The following MYCBP2 variants were observed in gnomAD, a reference collection of about 807,000 sequenced individuals.
The protein encoded by MYCBP2 is MYC binding protein 2.
Under a neutral mutation model 525.3 loss-of-function variants are expected in MYCBP2, and 120 were observed. That is an observed-to-expected ratio of 0.23 (90% CI 0.20 to 0.27). The LOEUF (loss-of-function observed/expected upper bound fraction) is 0.27. Among genes scored for constraint, MYCBP2 ranks in the 10% least tolerant of loss-of-function variants. MYCBP2 has a pLI of 1.00. For synonymous variants in MYCBP2, 1,894 were observed against 1,955.8 expected (o/e 0.97, Z 0.83); for missense variants, 4,149 against 5,657.1 (o/e 0.73, Z 8.55).
chr13:77,309,665 C>G (rs775818577), intron 1 of MYCBP2, among the ~76,000 whole-genome samples: 1 of 152,170 alleles, frequency 6.6e-6, no homozygotes, highest in Non-Finnish European at 1.5e-5. Context: ...TTCCCATTAT[C>G]TTTTCTCAGT....
At position 77,205,464 on chromosome 13, in the gene MYCBP2, T is replaced by C. The variant is rs1593871593; in HGVS notation, c.3715+9A>G. The C allele has an allele frequency of 6.2e-7, 1 of 1,612,922 alleles. No homozygotes were observed. The highest frequency in any genetic ancestry group is 8.5e-7 in the Non-Finnish European group (1 of 1,179,604). ...TAAGACAACATTTCCTAAACCGAAGTATACATACTTTCAAACCTGTTTACC... is the reference window on the plus strand; with the variant it reads ...TAAGACAACATTTCCTAAACCGAAGCATACATACTTTCAAACCTGTTTACC... On this transcript the variant is annotated intron_variant, in intron 25 of 82. Transcript: ENST00000544440.
chr13:77,263,254 C>T (rs972016523), intron 10 of MYCBP2, among the ~76,000 whole-genome samples: 3 of 151,876 alleles, frequency 2.0e-5, no homozygotes, highest in East Asian at 1.9e-4. Flanking sequence ...AAAATTTCAA[C>T]GAGAGAACTA....
At position 77,098,665 on chromosome 13, in the gene MYCBP2, T is replaced by C. The variant is rs1386206238; in HGVS notation, c.8489A>G (p.Asn2830Ser). The stretch of plus-strand genomic sequence containing the variant: ...ACTAGCACCCGATGGGCTAGACCTA[T>C]TGGCTGGGAGAGTCTTTGGCTTAGG... ...SSPKPKTLPANRSSPSGASSP... is the reference protein window; with the variant it reads ...SSPKPKTLPASRSSPSGASSP... The change falls in exon 56 of 83, where the codon AAT becomes AGT. Residue 2830 changes from asparagine (N) to serine (S), a missense_variant. By Grantham distance (46) the Asn-to-Ser change is conservative. Transcript: ENST00000544440. The C allele has an allele frequency of 5.6e-6, 9 of 1,613,408 alleles. No individual in the cohort carries two copies. Among genetic ancestry groups the C allele is most frequent in the African/African-American group, 5.3e-5 (4 of 74,800 alleles).
chr13:77,198,261 T>A (rs188977845), intron 26 of MYCBP2, among the ~76,000 whole-genome samples: 1 of 152,354 alleles, frequency 6.6e-6, no homozygotes, highest in East Asian at 1.9e-4. Context: ...CATATAACTA[T>A]AGGAGCTTTA....
rs181539878 is a variant in MYCBP2 at position 77,137,125 on chromosome 13, G to A, written c.7659+2071C>T. Among the ~76,000 whole-genome samples, 129 of 152,080 alleles carry A rather than the reference G, an allele frequency of 8.5e-4. 1 individual carries two copies. Among genetic ancestry groups the A allele is most frequent in the African/African-American group, 2.7e-3 (110 of 41,472 alleles). ...TGTATGCCTCACTCCACTCCTTACC[G>A]CTCCTCTAACCTTTGTTACTCCCTT... On this transcript the variant is annotated intron_variant, in intron 52 of 82. Coordinates refer to ENST00000544440, the MANE Select transcript of MYCBP2 (RefSeq NM_015057.5).
chr13:77,276,862 C>T (rs2329027), intron 4 of MYCBP2, among the ~76,000 whole-genome samples: 89,025 of 138,458 alleles, frequency 0.64, 30,657 homozygotes, highest in Admixed American at 0.76. Flanking sequence ...GTCTAAGTTG[C>T]CCAGACTGGT....
At position 77,059,417 on chromosome 13, in the gene MYCBP2, A is replaced by T. The variant is rs2038855701; in HGVS notation, c.13140+106T>A. The T allele has an allele frequency of 4.8e-6, 4 of 841,224 alleles. No homozygotes were observed. The East Asian group carries it at 7.3e-5, about 15-fold the overall frequency. The allele number at this position is 841,224 out of a possible 1,614,324, so 52.1% of individuals were successfully genotyped here. A position where few individuals can be genotyped will look rare whatever the true frequency, so the allele number is the denominator to read the frequency against. On this transcript the variant is annotated intron_variant, in intron 77 of 82. Coordinates refer to ENST00000544440, the MANE Select transcript of MYCBP2 (RefSeq NM_015057.5). ...GATGCTTCACATAGGTAATACACTC[A>T]TTTAGGAAGCTGGAGTGACGCTGAG... is the stretch of plus-strand genomic sequence containing the variant.
chr13:77,294,458 A>G (rs142553020), intron 2 of MYCBP2, among the ~76,000 whole-genome samples: 1 of 152,234 alleles, frequency 6.6e-6, no homozygotes, highest in East Asian at 1.9e-4. Flanking sequence ...AAGAAGATAT[A>G]GAAATACTGA....
At chr13:77,300,341 T>G (rs759073438) in intron 1 of MYCBP2, among the ~76,000 whole-genome samples, 7 of 152,216 alleles carry the variant, frequency 4.6e-5, no homozygotes, top group Admixed American at 3.9e-4. Context: ...CTGTTGCAAC[T>G]ACTCAATGGT....
rs61753807 is a variant in MYCBP2 at position 77,081,939 on chromosome 13, G to A, written c.11091C>T (p.Asn3697=). 1.0e-3 allele frequency: 1,616 copies of A among 1,613,412 alleles called. 1 individual carries two copies. Among genetic ancestry groups the A allele is most frequent in the Non-Finnish European group, 1.3e-3 (1,505 of 1,179,714 alleles). ...AAATATTGTTAATGTGATGAAAGAC[G>A]TTGCTCTGATGAAGGAACTGGTGAT... The part of the protein sequence containing the change: ...QSDHQFLHQS[N]VFHHINNILS... The change falls in exon 64 of 83, where the codon AAC becomes AAT. Residue 3697 remains asparagine, a synonymous_variant. Coordinates refer to ENST00000544440, the MANE Select transcript of MYCBP2 (RefSeq NM_015057.5). The surrounding 1 kb of genome is among the most constrained non-coding windows in gnomAD (Gnocchi z 4.6).
intron 20 of MYCBP2, among the ~76,000 whole-genome samples, chr13:77,218,445 T>C (rs2065109161): frequency 6.6e-6 from 1 of 152,228 alleles, no homozygotes; most frequent in Non-Finnish European, 1.5e-5. Context: ...AAACACAGTA[T>C]CATGAGAGGC....
At position 77,144,460 on chromosome 13, in the gene MYCBP2, C is replaced by T; in HGVS notation, c.7288G>A (p.Asp2430Asn). 6.2e-7 allele frequency: 1 copy of T among 1,611,464 alleles called. No individual in the cohort carries two copies. The highest frequency in any genetic ancestry group is 1.3e-5 in the African/African-American group (1 of 74,942). ...AAGAAAATACCGATTTCAATGCCAT[C>T]AATGGTAACATGAAGAGTGTAGAGT... ...IGLYTLHVTI[D>N]GIEIDAGLEV... The change falls in exon 49 of 83, where the codon GAT becomes AAT. Residue 2430 changes from aspartate to asparagine, a missense_variant. By Grantham distance (23) the Asp-to-Asn change is conservative. This residue lies in a region of MYCBP2 where 692 missense variants were observed against 852.7 expected (regional missense o/e 0.81). Transcript: ENST00000544440.
In MYCBP2 at chr13:77,058,372, G is replaced by A; in HGVS notation, c.13175C>T (p.Pro4392Leu). The A allele has an allele frequency of 6.2e-7, 1 of 1,613,584 alleles. No individual in the cohort carries two copies. The highest frequency in any genetic ancestry group is 8.5e-7 in the Non-Finnish European group (1 of 1,179,744). ...AACACCCCCGCATGGATGGCCACAA[G>A]GATGCGTCTTACTACAGGCTATCTT... ...YAKIACSKTH[P>L]CGHPCGGVKN... The change falls in exon 78 of 83, where the codon CCT becomes CTT. Residue 4392 changes from proline (P) to leucine (L), a missense_variant. Around this residue, in one of 21 missense-constraint regions of MYCBP2, gnomAD observed 220 missense variants for 396.0 expected, o/e 0.56. Transcript: ENST00000544440. This position sits in a 1 kb window ranked among gnomAD's most constrained non-coding sequence, Gnocchi z 4.1.
chr13:77,077,333 C>T lies in MYCBP2; in HGVS notation c.11539G>A (p.Asp3847Asn). The T allele has an allele frequency of 6.2e-7, 1 of 1,613,980 alleles. No homozygotes were observed. The highest frequency in any genetic ancestry group is 8.5e-7 in the Non-Finnish European group (1 of 1,179,930). The part of the protein sequence containing the change: ...GWVTSELPGG[D>N]NHIIKIELKG... ...AATTCAATTTTTATGATGTGATTATCCCCTCCTGGAAGTTCACTTGTTACC... is the reference window on the plus strand; with the variant it reads ...AATTCAATTTTTATGATGTGATTATTCCCTCCTGGAAGTTCACTTGTTACC... The change falls in exon 67 of 83, where the codon GAT (aspartate) becomes AAT (asparagine). Residue 3847 changes from aspartate (D) to asparagine (N), a missense_variant. Asp to Asn is a conservative substitution (Grantham distance 23). Around this residue, in one of 21 missense-constraint regions of MYCBP2, gnomAD observed 509 missense variants for 789.4 expected, o/e 0.64. Transcript: ENST00000544440.
chr13:77,131,517 A>AAC (rs55921143), intron 52 of MYCBP2, among the ~76,000 whole-genome samples: 106,781 of 146,468 alleles, frequency 0.73, 42,427 homozygotes, highest in Non-Finnish European at 0.9. Context: ...CACACAAACA[A>AAC]ACACACACAC....
Position 77,212,016 on chromosome 13 carries a change from C to T in MYCBP2, c.3202G>A (p.Ala1068Thr), listed in dbSNP as rs1460331506. Residue 1068 changes from alanine (A) to threonine (T), a missense_variant, in exon 22 of 83, where the codon GCA becomes ACA. Coordinates refer to ENST00000544440, the MANE Select transcript of MYCBP2 (RefSeq NM_015057.5). The stretch of plus-strand genomic sequence containing the variant: ...GCAAGTACATGAGAATTAATAAGTG[C>T]TTCATCAATTCGTAAAAAAGTTTGG... The part of the protein sequence containing the change: ...GDQTFLRIDE[A>T]LINSHVLATS... The T allele has an allele frequency of 1.9e-6, 3 of 1,614,050 alleles. No homozygotes were observed. The highest frequency in any genetic ancestry group is 1.1e-5 in the South Asian group (1 of 91,080).
chr13:77,265,624 T>C (rs1241378433), intron 8 of MYCBP2, among the ~76,000 whole-genome samples: 1 of 152,192 alleles, frequency 6.6e-6, no homozygotes, highest in Non-Finnish European at 1.5e-5. Context: ...ACTTGAAACA[T>C]GGTATTCATT....
rs773039470 is a variant in MYCBP2, at chr13:77,144,525, T to C, written c.7223A>G (p.Asp2408Gly). ...AGTCCAATTTGCACAATAAGTCCCA[T>C]CATTATTGACACGGATCAGCATATT... Reference protein sequence around the residue: ...SENMLIRVNNDGTYCANWTPG... With the variant: ...SENMLIRVNNGGTYCANWTPG... Residue 2408 changes from aspartate to glycine, a missense_variant, in exon 49 of 83, where the codon GAT (aspartate) becomes GGT (glycine). By Grantham distance (94) the Asp-to-Gly change is moderately conservative. This residue lies in a region of MYCBP2 where 692 missense variants were observed against 852.7 expected (regional missense o/e 0.81). Transcript: ENST00000544440. 20 of 1,613,302 alleles carry C rather than the reference T, an allele frequency of 1.2e-5. No individual in the cohort carries two copies. Among genetic ancestry groups the C allele is most frequent in the Non-Finnish European group, 1.7e-5 (20 of 1,179,430 alleles).
At chr13:77,174,852 TG>T (rs1438455017) in intron 36 of MYCBP2, among the ~76,000 whole-genome samples, 2 of 86,288 alleles carry the variant, frequency 2.3e-5, no homozygotes, top group Non-Finnish European at 4.8e-5. Flanking sequence ...ACACAACCAA[TG>T]TAACTAGTGC....
Sources: gnomAD v4.1 joint callset for allele counts (sites outside exome capture counted in the v4.1 genomes callset) on GRCh38, gnomAD v4.1.1 for gene constraint, gnomAD v4.1.1 regional missense constraint, Gnocchi (gnomAD v3.1) non-coding constraint, MANE v1.5 for transcripts, NCBI Gene and HGNC (gene_info 2026-07-23, HGNC 2026-07-21) for gene names.